The following AKAP9 variants were observed in gnomAD, a reference collection of about 807,000 sequenced individuals.
AKAP9 encodes A-kinase anchoring protein 9.
In AKAP9, 311 loss-of-function variants were observed where a neutral mutation model predicts 488.5. The ratio of observed to expected loss-of-function variants is 0.64; its 90% confidence interval spans 0.58 to 0.70. AKAP9 has a LOEUF of 0.70. Among genes scored for constraint, AKAP9 ranks in the 30% least tolerant of loss-of-function variants. The pLI is 0.00. For missense variants in AKAP9, 4,215 were observed against 4,374.5 expected (o/e 0.96, Z 1.03); for synonymous variants, 1,462 against 1,483.5 (o/e 0.99, Z 0.33).
intron 2 of AKAP9, among the ~76,000 whole-genome samples, chr7:91,977,675 C>CT (rs1193073170): frequency 6.6e-6 from 1 of 152,112 alleles, no homozygotes; most frequent in Non-Finnish European, 1.5e-5. Context: ...CTATCCTTTC[C>CT]TTTTTTTGTA....
chr7:91,941,076 T>C lies in AKAP9; in HGVS notation c.-24T>C, dbSNP rs1790683214. ...CCCAACCACCCCTCAACCCCTGTTT[T>C]CCCCTGCCTTCCTTGCAGAGGCCAT... On this transcript the variant is annotated 5_prime_UTR_variant, in exon 1 of 50. Transcript: ENST00000356239. 6.2e-7 allele frequency: 1 copy of C among 1,611,510 alleles called. No homozygotes were observed.
chr7:92,073,267 T>A (rs1370146040), intron 28 of AKAP9, among the ~76,000 whole-genome samples: 2 of 149,520 alleles, frequency 1.3e-5, no homozygotes, highest in Non-Finnish European at 3.0e-5. Context: ...GAGGCCGAGG[T>A]GGGTGGATTA....
At chr7:92,006,143 A>G (rs1158557655) in intron 8 of AKAP9, among the ~76,000 whole-genome samples, 2 of 151,498 alleles carry the variant, frequency 1.3e-5, no homozygotes, top group African/African-American at 4.9e-5. Context: ...AGGAATTCTA[A>G]TTTTCTTTTT....
intron 39 of AKAP9, among the ~76,000 whole-genome samples, chr7:92,093,841 T>A (rs779252911): frequency 3.8e-4 from 58 of 151,914 alleles, no homozygotes; most frequent in Middle Eastern, 3.2e-3. Flanking sequence ...TATTTATTTA[T>A]TTTATTTTAT....
intron 22 of AKAP9, among the ~76,000 whole-genome samples, chr7:92,054,393 G>A (rs1200211208): frequency 6.6e-6 from 1 of 151,824 alleles, no homozygotes; most frequent in Non-Finnish European, 1.5e-5. Context: ...AAACAGCTGG[G>A]AGGCATGCTG....
rs572206862 is a variant in AKAP9 at position 91,978,352 on chromosome 7, G to A, written c.307-1937G>A. On this transcript the variant is annotated intron_variant, in intron 2 of 49. Transcript: ENST00000356239. ...TCTTGGCCTCAGTTACTACTTCATG[G>A]AGAAGGTAGTTTTAGAACTTAGACT... 2.6e-5 allele frequency among the ~76,000 whole-genome samples: 4 copies of A among 152,274 alleles called. No homozygotes were observed. The South Asian group carries it at 8.3e-4, about 32-fold the overall frequency.
At chr7:91,989,858 AGTT>A (rs986994911) in intron 3 of AKAP9, among the ~76,000 whole-genome samples, 1 of 152,038 alleles carries the variant, frequency 6.6e-6, no homozygotes, top group African/African-American at 2.4e-5. Flanking sequence ...AATAAGGATG[AGTT>A]GTTCTTTTAT....
At chr7:91,973,586 T>C (rs1795334699) in intron 1 of AKAP9, 125 bp from the exon 2 acceptor site, 1 of 1,066,238 alleles carries the variant, frequency 9.4e-7, no homozygotes, top group Non-Finnish European at 1.4e-6. Context: ...AATTGTTCTT[T>C]ATTTTTTCAT....
chr7:92,082,281 T>C (rs558439001), intron 31 of AKAP9, among the ~76,000 whole-genome samples: 4 of 152,304 alleles, frequency 2.6e-5, no homozygotes, highest in Admixed American at 2.6e-4. Flanking sequence ...ATGAATAACA[T>C]TACTTACCTT....
chr7:91,999,109 A>G (rs899156875), intron 7 of AKAP9, among the ~76,000 whole-genome samples: 2 of 152,220 alleles, frequency 1.3e-5, no homozygotes, highest in African/African-American at 2.4e-5. Context: ...GTTAATTTAT[A>G]TAGTACAGAA....
chr7:92,050,371 A>G (rs990012803), intron 21 of AKAP9, among the ~76,000 whole-genome samples: 1 of 152,122 alleles, frequency 6.6e-6, no homozygotes, highest in Non-Finnish European at 1.5e-5. Context: ...CTGGGATTAC[A>G]GGCATGAGCC....
Position 92,096,931 on chromosome 7 carries a change from A to C in AKAP9, c.9972A>C (p.Ala3324=). The C allele has an allele frequency of 1.2e-6, 2 of 1,614,238 alleles. No homozygotes were observed. ...TAGATAGGGAGCGGGAATTGCACGC[A>C]CAGCTGCAGAGCAGTGATGGTACTG... ...STLDRERELH[A]QLQSSDGTGQ... is the part of the protein sequence containing the mutation. Residue 3324 remains alanine (A), a synonymous_variant, in exon 41 of 50, where the codon GCA becomes GCC. Transcript: ENST00000356239.
chr7:92,040,928 C>T (rs1286156470), intron 18 of AKAP9, 30 bp downstream of exon 18: 1 of 1,561,138 alleles, frequency 6.4e-7, no homozygotes, highest in East Asian at 2.3e-5. Flanking sequence ...CTTTCTCTCC[C>T]CAGTTATTTT....
At chr7:92,082,812 T>C in intron 32 of AKAP9, 150 bp downstream of exon 32, 1 of 1,006,746 alleles carries the variant, frequency 9.9e-7, no homozygotes, top group South Asian at 1.6e-5. Context: ...TTCATTGTTA[T>C]AAATTTCTTT....
At position 92,001,491 on chromosome 7, in the gene AKAP9, C is replaced by T. The variant is rs1475972105; in HGVS notation, c.1574C>T (p.Ala525Val). ...GGACTAATTTTAGAAGAAAAGTGTG[C>T]TCTACAGAGACAGCTTGAAGACCTT... Reference protein sequence around the residue: ...ELGLILEEKCALQRQLEDLVE... With the variant: ...ELGLILEEKCVLQRQLEDLVE... Residue 525 changes from alanine to valine, a missense_variant, in exon 8 of 50, where the codon GCT becomes GTT. Physicochemically the swap from Ala to Val is moderately conservative, Grantham distance 64 (BLOSUM62 0). This residue lies in a region of AKAP9 where 2,361 missense variants were observed against 2,430.0 expected (regional missense o/e 0.97). Coordinates refer to ENST00000356239, the MANE Select transcript of AKAP9 (RefSeq NM_005751.5). 6.2e-7 allele frequency: 1 copy of T among 1,613,854 alleles called. No individual in the cohort carries two copies. Among genetic ancestry groups the T allele is most frequent in the Non-Finnish European group, 8.5e-7 (1 of 1,179,856 alleles).
At chr7:92,030,961 A>G (rs1250120728) in intron 15 of AKAP9, among the ~76,000 whole-genome samples, 1 of 152,236 alleles carries the variant, frequency 6.6e-6, no homozygotes, top group East Asian at 1.9e-4. Flanking sequence ...GATGTTAGAC[A>G]CATCCTTGAT....
intron 29 of AKAP9, 54 bp downstream of exon 29, chr7:92,077,061 T>C: frequency 1.2e-6 from 1 of 813,374 alleles, no homozygotes. Flanking sequence ...TTCAGTCCTA[T>C]ATTGCTTTAT....
chr7:91,941,042 C>T lies in AKAP9; in HGVS notation c.-58C>T, dbSNP rs2130422372. Reference sequence around the variant, plus strand: ...CCACCTCCGTCCAAATCGACCTTTCCTTTCTATCCCCAACCACCCCTCAAC... The same window carrying T: ...CCACCTCCGTCCAAATCGACCTTTCTTTTCTATCCCCAACCACCCCTCAAC... On this transcript the variant is annotated 5_prime_UTR_variant, in exon 1 of 50. Coordinates refer to ENST00000356239, the MANE Select transcript of AKAP9 (RefSeq NM_005751.5). The T allele has an allele frequency of 1.3e-6, 2 of 1,555,518 alleles. No homozygotes were observed. Among genetic ancestry groups the T allele is most frequent in the South Asian group, 1.1e-5 (1 of 89,894 alleles).
chr7:92,092,165 A>C (rs1369115761), intron 38 of AKAP9: 1 of 152,180 alleles, frequency 6.6e-6, no homozygotes, highest in Non-Finnish European at 1.5e-5. Flanking sequence ...CCTGATACAT[A>C]TTTTATAACA....
Sources: gnomAD v4.1 joint callset for allele counts (sites outside exome capture counted in the v4.1 genomes callset) on GRCh38, gnomAD v4.1.1 for gene constraint, gnomAD v4.1.1 regional missense constraint, MANE v1.5 for transcripts, NCBI Gene and HGNC (gene_info 2026-07-23, HGNC 2026-07-21) for gene names.